HSPG2: variants seen among roughly 807,000 people sequenced by gnomAD.
HSPG2 encodes heparan sulfate proteoglycan 2, also known as basement membrane-specific heparan sulfate proteoglycan core protein.
In HSPG2, 278 loss-of-function variants were observed where a neutral mutation model predicts 526.6. The ratio of observed to expected loss-of-function variants is 0.53; its 90% CI spans 0.48 to 0.58. The LOEUF is 0.58. HSPG2 is among the 20% of genes least tolerant of loss of function. HSPG2 has a pLI of 0.00. For synonymous variants in HSPG2, 2,465 were observed against 2,555.4 expected, an observed-to-expected ratio of 0.96 and a Z score of 1.07; for missense variants, 5,354 against 6,099.5, an observed-to-expected ratio of 0.88 and a Z score of 4.07.
At chr1:21,906,433 C>T (rs754560384) in intron 1 of HSPG2, among the ~76,000 whole-genome samples, 1 of 152,190 alleles carries the variant, frequency 6.6e-6, no homozygotes, top group East Asian at 1.9e-4. Context: ...GAGGTCGGCT[C>T]CCCCTGCCCC....
intron 1 of HSPG2, among the ~76,000 whole-genome samples, chr1:21,909,982 C>T (rs1643578105): frequency 6.6e-6 from 1 of 152,218 alleles, no homozygotes; most frequent in African/African-American, 2.4e-5. Context: ...ACTTGAGCTG[C>T]TGCTCCACCC....
At chr1:21,850,911 C>T (rs1638838505) in intron 55 of HSPG2, among the ~76,000 whole-genome samples, 1 of 151,706 alleles carries the variant, frequency 6.6e-6, no homozygotes, top group Admixed American at 6.6e-5. Context: ...AGAGTACTTT[C>T]TGTGAGCCTA....
In HSPG2 at chr1:21,893,707, A is replaced by C. The variant is rs1273316615; in HGVS notation, c.244+2215T>G. 6.6e-6 allele frequency among the ~76,000 whole-genome samples: 1 copy of C among 152,076 alleles called. No homozygotes were observed. The highest frequency in any genetic ancestry group is 6.5e-5 in the Admixed American group (1 of 15,274). On this transcript the variant is annotated intron_variant, in intron 3 of 96. Coordinates refer to ENST00000374695, the MANE Select transcript of HSPG2 (RefSeq NM_005529.7). This position sits in a 1 kb window ranked among gnomAD's most constrained non-coding sequence, Gnocchi z 4.3. ...GAAGGAGGCAAGAAGGGACATTGACAGCGAGGGAGACGAGATGGAGAGAAG... is the reference window on the plus strand; with the variant it reads ...GAAGGAGGCAAGAAGGGACATTGACCGCGAGGGAGACGAGATGGAGAGAAG...
At chr1:21,894,337 C>T (rs750932912) in intron 3 of HSPG2, among the ~76,000 whole-genome samples, 8 of 151,978 alleles carry the variant, frequency 5.3e-5, no homozygotes, top group South Asian at 2.1e-4. Context: ...GGCTCTGGCT[C>T]ATGGGCGCAG....
At chr1:21,934,351 T>A (rs552052773) in intron 1 of HSPG2, among the ~76,000 whole-genome samples, 1 of 152,210 alleles carries the variant, frequency 6.6e-6, no homozygotes, top group African/African-American at 2.4e-5. Context: ...ATCTCATTTT[T>A]GACTTGCAAC....
In HSPG2 at chr1:21,904,258, C is replaced by T. The variant is rs961717666; in HGVS notation, c.64-7948G>A. Reference sequence around the variant, plus strand: ...GGAAGATTTCCAGAAGAAATGCTAACTCAGCTGGGCCTGAGAGATGACTTC... The same window carrying T: ...GGAAGATTTCCAGAAGAAATGCTAATTCAGCTGGGCCTGAGAGATGACTTC... On this transcript the variant is annotated intron_variant, in intron 1 of 96. Coordinates refer to ENST00000374695, the MANE Select transcript of HSPG2 (RefSeq NM_005529.7). The surrounding 1 kb of genome is among the most constrained non-coding windows in gnomAD (Gnocchi z 4.4). 6.6e-6 allele frequency among the ~76,000 whole-genome samples: 1 copy of T among 152,194 alleles called. No homozygotes were observed. The highest frequency in any genetic ancestry group is 2.4e-5 in the African/African-American group (1 of 41,448).
Position 21,890,318 on chromosome 1 carries a change from C to T in HSPG2, c.413+109G>A, listed in dbSNP as rs1642262333. 1 of 1,296,948 alleles carries T rather than the reference C, an allele frequency of 7.7e-7. No homozygotes were observed. Among genetic ancestry groups the T allele is most frequent in the Non-Finnish European group, 1.1e-6 (1 of 895,838 alleles). 80.3% of individuals were successfully genotyped at this position (1,296,948 alleles called of 1,614,324 possible). On this transcript the variant is annotated intron_variant, in intron 5 of 96. Transcript: ENST00000374695. The surrounding 1 kb of genome is among the most constrained non-coding windows in gnomAD (Gnocchi z 4.1). ...ATTCCTGAATTTCCACCCACAGCGA[C>T]TCATCCCATAGGCCTTTCCGCGGTG...
chr1:21,901,661 G>GC (rs1382461446), intron 1 of HSPG2, among the ~76,000 whole-genome samples: 6 of 152,038 alleles, frequency 3.9e-5, no homozygotes. Context: ...GACTGCCCCC[G>GC]CAGCTAGGCA....
Position 21,855,682 on chromosome 1 carries a change from A to G in HSPG2, c.5702-7T>C. ...AGCTGGCCGCCGGGGCCCCCTGACG[A>G]GTAGACGTGGGGTCAGCACCCACCA... On this transcript the variant is annotated splice_polypyrimidine_tract_variant and splice_region_variant and intron_variant, in intron 45 of 96. Coordinates refer to ENST00000374695, the MANE Select transcript of HSPG2 (RefSeq NM_005529.7). 1 of 1,580,134 alleles carries G rather than the reference A, an allele frequency of 6.3e-7. No homozygotes were observed. The highest frequency in any genetic ancestry group is 1.1e-5 in the South Asian group (1 of 87,608).
chr1:21,840,305 TTTTG>T lies in HSPG2; in HGVS notation c.9514-292_9514-289del, dbSNP rs1301305190. ...GGTATGTGCCACCACACTCAGCTAA[TTTTG>T]TTTGTTTGTTTGTTTTTTGAGGGTC... On this transcript the variant is annotated intron_variant, in intron 71 of 96. Transcript: ENST00000374695. Among the ~76,000 whole-genome samples the T allele has an allele frequency of 1.7e-3, 259 of 151,768 alleles. 3 individuals are homozygous for T. Among genetic ancestry groups the T allele is most frequent in the Middle Eastern group, 3.4e-3 (1 of 294 alleles).
intron 91 of HSPG2, among the ~76,000 whole-genome samples, chr1:21,825,531 G>T (rs1197899285): frequency 6.6e-6 from 1 of 152,116 alleles, no homozygotes; most frequent in Non-Finnish European, 1.5e-5. Context: ...ACTGTGTGTG[G>T]CTCCACACCC....
chr1:21,902,939 G>T (rs1026757345), intron 1 of HSPG2, among the ~76,000 whole-genome samples: 1 of 152,198 alleles, frequency 6.6e-6, no homozygotes, highest in African/African-American at 2.4e-5. Context: ...AACAACACGT[G>T]GAAGGCAGTG....
chr1:21,901,730 C>T (rs1643113344), intron 1 of HSPG2, among the ~76,000 whole-genome samples: 2 of 152,062 alleles, frequency 1.3e-5, no homozygotes, highest in Admixed American at 1.3e-4. Context: ...GGCCAGGCTC[C>T]AGGCATGTGG....
rs766390762 is a variant in HSPG2 at position 21,830,006 on chromosome 1, C to T, written c.11757G>A (p.Leu3919=). The change falls in exon 86 of 97, where the codon TTG becomes TTA. Residue 3919 remains leucine, a synonymous_variant. Transcript: ENST00000374695. ...GGCTCCCCTCACCTTCCTCACACCG[C>T]AACCCCGAGCGGCCCAGGTGGCAGC... ...TCRCHLGRSG[L]RCEEGVTVTT... 3 of 1,609,224 alleles carry T rather than the reference C, an allele frequency of 1.9e-6. No individual in the cohort carries two copies. Among genetic ancestry groups the T allele is most frequent in the African/African-American group, 1.3e-5 (1 of 74,884 alleles).
intron 77 of HSPG2, 34 bp from the exon 78 acceptor site, chr1:21,833,959 A>C: frequency 7.0e-7 from 1 of 1,423,814 alleles, no homozygotes; most frequent in Non-Finnish European, 9.7e-7. Context: ...GGCCATCAAC[A>C]TGACAGTCAC....
intron 42 of HSPG2, among the ~76,000 whole-genome samples, chr1:21,857,718 A>C (rs1162950421): frequency 1.3e-5 from 2 of 152,082 alleles, no homozygotes; most frequent in African/African-American, 2.4e-5. Flanking sequence ...TCTATCCCCC[A>C]AAAACAACTA....
rs371835387 is a variant in HSPG2, at chr1:21,839,602, C to T, written c.9710-52G>A. ...AAGTCACTGGGCTACCTCAGGGACC[C>T]GCAGAGGGTGGCCATGGTGAGGAAG... On this transcript the variant is annotated intron_variant, in intron 72 of 96. Transcript: ENST00000374695. This position sits in a 1 kb window ranked among gnomAD's most constrained non-coding sequence, Gnocchi z 4.5. 3.9e-5 allele frequency: 63 copies of T among 1,597,590 alleles called. 1 individual carries two copies. The highest frequency in any genetic ancestry group is 3.9e-4 in the African/African-American group (29 of 74,670).
chr1:21,872,630 G>T lies in HSPG2; in HGVS notation c.4019C>A (p.Thr1340Lys). The change falls in exon 32 of 97, where the codon ACA becomes AAA. Residue 1340 changes from threonine (T) to lysine (K), a missense_variant. Coordinates refer to ENST00000374695, the MANE Select transcript of HSPG2 (RefSeq NM_005529.7). The surrounding 1 kb of genome is among the most constrained non-coding windows in gnomAD (Gnocchi z 5.5). The part of the protein sequence containing the change: ...ITQQCASSAY[T>K]RHLISTHFAP... The stretch of plus-strand genomic sequence containing the variant: ...AGCACAGGCTCTCACCAGGTGGCGT[G>T]TGTAGGCAGAGCTGGCGCACTGCTG... The T allele has an allele frequency of 6.3e-7, 1 of 1,588,970 alleles. No homozygotes were observed. The highest frequency in any genetic ancestry group is 1.9e-4 in the Middle Eastern group (1 of 5,232).
At position 21,836,843 on chromosome 1, in the gene HSPG2, AC is replaced by A; in HGVS notation, c.10313del (p.Gly3438ValfsTer83). 5 of 1,580,970 alleles carry A rather than the reference AC, an allele frequency of 3.2e-6. No individual in the cohort carries two copies. The highest frequency in any genetic ancestry group is 1.2e-5 in the South Asian group (1 of 86,616). ...GTQLRWFKEG[G>X]QLPPGHSVQD... is the part of the protein sequence containing the mutation. ...GCACGCTGTGACCCGGAGGCAGCTG[AC>A]CCCCTTCCTTGAACCAACGGAGCTG... On this transcript the variant is annotated frameshift_variant, in exon 75 of 97. Transcript: ENST00000374695. LOFTEE classifies it high-confidence loss of function.
Sources: gnomAD v4.1 joint callset for allele counts (sites outside exome capture counted in the v4.1 genomes callset) on GRCh38, gnomAD v4.1.1 for gene constraint, Gnocchi (gnomAD v3.1) non-coding constraint, MANE v1.5 for transcripts, NCBI Gene and HGNC (gene_info 2026-07-23, HGNC 2026-07-21) for gene names.